Variants in HDX observed in about 807,000 individuals in gnomAD.
The protein encoded by HDX is chromosome X open reading frame 43.
HDX carries 19 observed loss-of-function variants against 45.2 expected under a neutral mutation model. The ratio of observed to expected loss-of-function variants is 0.42; its 90% CI spans 0.29 to 0.62. The LOEUF (loss-of-function observed/expected upper bound fraction) is 0.62. Among genes scored for constraint, HDX ranks in the 20% least tolerant of loss-of-function variants. The probability of loss-of-function intolerance (pLI) is 0.20; values close to 1 mark genes in which losing one functional copy is unlikely to be tolerated. For missense variants in HDX, 532 were observed against 493.9 expected, an observed-to-expected ratio of 1.08 and a Z score of -0.73; for synonymous variants, 188 against 172.8, an observed-to-expected ratio of 1.09 and a Z score of -0.69.
Position 84,469,117 on chromosome X carries a change from T to G in HDX, c.606A>C (p.Val202=), listed in dbSNP as rs747253962. 1.1e-4 allele frequency: 139 copies of G among 1,209,449 alleles called. No homozygotes were observed. Among genetic ancestry groups the G allele is most frequent in the Non-Finnish European group, 1.4e-4 (129 of 894,875 alleles). Residue 202 remains valine, a synonymous_variant, in exon 4 of 11, where the codon GTA becomes GTC. Coordinates refer to ENST00000373177, the MANE Select transcript of HDX (RefSeq NM_001177479.2). Reference sequence around the variant, plus strand: ...GAGGTACTGTCATTTCAGAAGCTTGTACTGAAGAGTTTCCATAGTTTTTCT... The same window carrying G: ...GAGGTACTGTCATTTCAGAAGCTTGGACTGAAGAGTTTCCATAGTTTTTCT... ...HAKKNYGNSS[V]QASEMTVPQK...
At chrX:84,459,869 G>A (rs759057735) in intron 4 of HDX, among the ~76,000 whole-genome samples, 48 of 111,371 alleles carry the variant, frequency 4.3e-4, no homozygotes, top group African/African-American at 1.5e-3. Flanking sequence ...ATAACTGATA[G>A]TGCAGAAATT....
chrX:84,325,997 C>G (rs1243766804), intron 10 of HDX, among the ~76,000 whole-genome samples, 181 bp downstream of exon 10: 1 of 111,520 alleles, frequency 9.0e-6, no homozygotes. Flanking sequence ...ACTGAAGGAG[C>G]ACACAAAATC....
chrX:84,341,578 T>G (rs904873388), intron 7 of HDX, among the ~76,000 whole-genome samples: 6 of 110,737 alleles, frequency 5.4e-5, no homozygotes, highest in Admixed American at 9.6e-5. Context: ...CCTCTCCCCA[T>G]GCAGTTAATT....
At chrX:84,399,246 A>C in intron 5 of HDX, among the ~76,000 whole-genome samples, 1 of 106,004 alleles carries the variant, frequency 9.4e-6, no homozygotes, top group Non-Finnish European at 1.9e-5. Flanking sequence ...ATAGAGACAC[A>C]AACCCCCCCC....
chrX:84,362,783 G>A (rs1489254288), intron 5 of HDX, among the ~76,000 whole-genome samples: 1 of 111,275 alleles, frequency 9.0e-6, no homozygotes, highest in Non-Finnish European at 1.9e-5. Flanking sequence ...AACCTCCTAA[G>A]TTAGATTCAG....
chrX:84,346,257 TG>T (rs1203425101), intron 6 of HDX, among the ~76,000 whole-genome samples: 4 of 110,303 alleles, frequency 3.6e-5, no homozygotes, highest in East Asian at 2.9e-4. Flanking sequence ...GAGGCTGAGG[TG>T]GGAGGATTTC....
At chrX:84,374,278 G>C (rs1305593738) in intron 5 of HDX, among the ~76,000 whole-genome samples, 1 of 109,929 alleles carries the variant, frequency 9.1e-6, no homozygotes, top group African/African-American at 3.3e-5. Flanking sequence ...ACAAATGGAA[G>C]AACATTCCAT....
chrX:84,407,993 C>G (rs4828257), intron 5 of HDX, among the ~76,000 whole-genome samples: 12,339 of 110,184 alleles, frequency 0.11, 620 homozygotes, highest in South Asian at 0.28. Flanking sequence ...TGTGTAGACT[C>G]CCTGTTTACA....
intron 5 of HDX, among the ~76,000 whole-genome samples, chrX:84,369,428 T>C (rs1197673706): frequency 8.9e-6 from 1 of 112,269 alleles, no homozygotes; most frequent in Non-Finnish European, 1.9e-5. Context: ...TTGGAATATA[T>C]ACCCAGAAGT....
At chrX:84,471,087 T>A (rs2040446332) in intron 3 of HDX, among the ~76,000 whole-genome samples, 1 of 112,039 alleles carries the variant, frequency 8.9e-6, no homozygotes, top group African/African-American at 3.2e-5. Context: ...TATATTTGTT[T>A]AACTTTTGTA....
At chrX:84,439,481 G>A (rs1361911349) in intron 5 of HDX, among the ~76,000 whole-genome samples, 1 of 110,867 alleles carries the variant, frequency 9.0e-6, no homozygotes, top group Non-Finnish European at 1.9e-5. Context: ...CTCTGCCAAA[G>A]CCAATGTTGA....
intron 5 of HDX, among the ~76,000 whole-genome samples, chrX:84,410,115 A>G (rs1300804683): frequency 1.9e-5 from 2 of 107,299 alleles, no homozygotes; most frequent in East Asian, 2.9e-4. Flanking sequence ...AAACAGTTTC[A>G]CTTCTTCTTT....
chrX:84,374,810 T>A (rs371784640), intron 5 of HDX, among the ~76,000 whole-genome samples: 2 of 100,775 alleles, frequency 2.0e-5, no homozygotes, highest in South Asian at 9.5e-4. Context: ...AACCTAGGCA[T>A]TACCATTCAG....
rs774861955 is a variant in HDX at position 84,448,511 on chromosome X, C to T, written c.1252-7926G>A. 2.7e-5 allele frequency among the ~76,000 whole-genome samples: 3 copies of T among 110,915 alleles called. No individual in the cohort carries two copies. In the South Asian group the frequency reaches 1.2e-3, roughly 43 times the overall value. Reference sequence around the variant, plus strand: ...TCCACTAAAAATCACACCCTAAGCACTGAGAAAATGACAGACACTACTGAT... The same window carrying T: ...TCCACTAAAAATCACACCCTAAGCATTGAGAAAATGACAGACACTACTGAT... On this transcript the variant is annotated intron_variant, in intron 4 of 10. Coordinates refer to ENST00000373177, the MANE Select transcript of HDX (RefSeq NM_001177479.2).
chrX:84,500,636 T>C (rs756195228), intron 1 of HDX, among the ~76,000 whole-genome samples: 1 of 111,301 alleles, frequency 9.0e-6, no homozygotes, highest in African/African-American at 3.3e-5. Flanking sequence ...TTGAGTTGAG[T>C]TTCCAAAGTG....
chrX:84,365,815 G>A (rs1259832933), intron 5 of HDX, among the ~76,000 whole-genome samples: 3 of 111,129 alleles, frequency 2.7e-5, no homozygotes, highest in African/African-American at 9.8e-5. Context: ...AATAAACTAG[G>A]TATTGATGGA....
chrX:84,352,755 G>A (rs1459520725), intron 6 of HDX, among the ~76,000 whole-genome samples: 1 of 112,038 alleles, frequency 8.9e-6, no homozygotes, highest in East Asian at 2.8e-4. Context: ...AAAAGATAAA[G>A]AATGGCAATT....
At chrX:84,354,162 C>T (rs1031419866) in intron 6 of HDX, among the ~76,000 whole-genome samples, 2 of 111,373 alleles carry the variant, frequency 1.8e-5, no homozygotes, top group Non-Finnish European at 3.8e-5. Context: ...TCTTTACTTT[C>T]CTGAATAATA....
At chrX:84,355,023 C>T (rs1182951945) in intron 6 of HDX, among the ~76,000 whole-genome samples, 1 of 99,932 alleles carries the variant, frequency 1.0e-5, no homozygotes, top group African/African-American at 3.6e-5. Context: ...GCATTGAACT[C>T]AACCCCAAGG....
Sources: gnomAD v4.1 joint callset for allele counts (sites outside exome capture counted in the v4.1 genomes callset) on GRCh38, gnomAD v4.1.1 for gene constraint, MANE v1.5 for transcripts, NCBI Gene and HGNC (gene_info 2026-07-23, HGNC 2026-07-21) for gene names.